MLLT3: variants seen among roughly 807,000 people sequenced by gnomAD.
The protein encoded by MLLT3 is protein AF-9.
MLLT3 carries 4 observed loss-of-function variants against 53.2 expected under a neutral mutation model. That is an observed-to-expected ratio of 0.08 (90% CI 0.04 to 0.17). MLLT3 has a LOEUF of 0.17. MLLT3 is among the 10% of genes least tolerant of loss of function. The pLI is 1.00. For synonymous variants in MLLT3, 283 were observed against 230.6 expected, an observed-to-expected ratio of 1.23 and a Z score of -2.06; for missense variants, 569 against 684.0, an observed-to-expected ratio of 0.83 and a Z score of 1.87.
At chr9:20,433,552 T>C (rs1436473571) in intron 4 of MLLT3, among the ~76,000 whole-genome samples, 2 of 152,160 alleles carry the variant, frequency 1.3e-5, no homozygotes, top group East Asian at 3.9e-4. Flanking sequence ...ACATCAACAG[T>C]AATGTCTCAG....
intron 2 of MLLT3, among the ~76,000 whole-genome samples, chr9:20,473,544 T>C (rs1465046999): frequency 6.6e-6 from 1 of 152,024 alleles, no homozygotes; most frequent in Non-Finnish European, 1.5e-5. Context: ...ATAGACACAG[T>C]CAGGGAAGGA....
At chr9:20,608,447 G>T (rs760205453) in intron 2 of MLLT3, among the ~76,000 whole-genome samples, 1 of 151,832 alleles carries the variant, frequency 6.6e-6, no homozygotes, top group Non-Finnish European at 1.5e-5. Flanking sequence ...TTACACATGG[G>T]TATCTTTCTG....
intron 2 of MLLT3, among the ~76,000 whole-genome samples, chr9:20,469,270 T>C (rs1824311365): frequency 6.6e-6 from 1 of 152,112 alleles, no homozygotes; most frequent in African/African-American, 2.4e-5. Context: ...AGAACATACC[T>C]GGCAGCATTT....
At chr9:20,407,751 T>G (rs1334980372) in intron 5 of MLLT3, among the ~76,000 whole-genome samples, 1 of 152,106 alleles carries the variant, frequency 6.6e-6, no homozygotes, top group Non-Finnish European at 1.5e-5. Flanking sequence ...AGCTTTTTCA[T>G]CCATAAAATG....
At chr9:20,565,988 T>TTA (rs1295720165) in intron 2 of MLLT3, among the ~76,000 whole-genome samples, 1 of 69,442 alleles carries the variant, frequency 1.4e-5, no homozygotes, top group African/African-American at 5.3e-5. Flanking sequence ...ATATATTTAT[T>TTA]TATATATTTA....
chr9:20,476,934 T>C (rs893284279), intron 2 of MLLT3, among the ~76,000 whole-genome samples: 1 of 152,176 alleles, frequency 6.6e-6, no homozygotes, highest in Non-Finnish European at 1.5e-5. Flanking sequence ...GTCTTTTCCA[T>C]CTGTGAATAA....
At chr9:20,600,115 C>T (rs1332194092) in intron 2 of MLLT3, among the ~76,000 whole-genome samples, 3 of 126,238 alleles carry the variant, frequency 2.4e-5, no homozygotes, top group Non-Finnish European at 3.2e-5. Flanking sequence ...ATTTCACTTG[C>T]AATGTTGTCC....
In MLLT3 at chr9:20,414,168, G is replaced by T. The variant is rs747041190; in HGVS notation, c.678C>A (p.Asn226Lys). ...SAFKEPSRDH[N>K]KSSKESSKKP... ...TCTTAGAGGATTCTTTGGAAGATTT[G>T]TTGTGATCCCTGGAAGGTTCTTTGA... Residue 226 changes from asparagine to lysine, a missense_variant, in exon 5 of 11, where the codon AAC becomes AAA. By Grantham distance (94) the Asn-to-Lys change is moderately conservative (BLOSUM62 0). This residue lies in a region of MLLT3 where 437 missense variants were observed against 376.5 expected (regional missense o/e 1.16). Coordinates refer to ENST00000380338, the MANE Select transcript of MLLT3 (RefSeq NM_004529.4). 12 of 1,614,176 alleles carry T rather than the reference G, an allele frequency of 7.4e-6. No individual in the cohort carries two copies. The South Asian group carries it at 1.3e-4, about 18-fold the overall frequency.
intron 2 of MLLT3, among the ~76,000 whole-genome samples, chr9:20,605,251 A>G (rs184881522): frequency 6.6e-6 from 1 of 152,226 alleles, no homozygotes; most frequent in Admixed American, 6.5e-5. Flanking sequence ...AAATAAACCA[A>G]AAATAGCTCT....
chr9:20,391,012 G>C (rs1412776784), intron 5 of MLLT3, among the ~76,000 whole-genome samples: 1 of 152,190 alleles, frequency 6.6e-6, no homozygotes, highest in African/African-American at 2.4e-5. Context: ...GTAGTAAAAT[G>C]CACAATCTAG....
At chr9:20,395,793 T>C (rs569572664) in intron 5 of MLLT3, among the ~76,000 whole-genome samples, 118 of 152,314 alleles carry the variant, frequency 7.7e-4, no homozygotes, top group Admixed American at 2.2e-3. Context: ...GTACATTACA[T>C]GCCCTCCGAT....
At chr9:20,602,562 T>C (rs4977434) in intron 2 of MLLT3, among the ~76,000 whole-genome samples, 46,336 of 151,848 alleles carry the variant, frequency 0.31, 7,460 homozygotes, top group South Asian at 0.41. Flanking sequence ...ACCCATATAG[T>C]ACACGCATGT....
intron 2 of MLLT3, among the ~76,000 whole-genome samples, chr9:20,569,899 G>A (rs1255596855): frequency 6.6e-6 from 1 of 152,132 alleles, no homozygotes; most frequent in East Asian, 1.9e-4. Flanking sequence ...GTCTGTACCT[G>A]CAAACATCCT....
At chr9:20,349,514 CAGAA>C (rs1208580515) in intron 10 of MLLT3, among the ~76,000 whole-genome samples, 2 of 150,620 alleles carry the variant, frequency 1.3e-5, no homozygotes, top group African/African-American at 2.5e-5. Flanking sequence ...AACTAAAACT[CAGAA>C]AGGCCGGCTT....
intron 5 of MLLT3, among the ~76,000 whole-genome samples, chr9:20,384,604 A>T (rs573612478): frequency 2.0e-5 from 3 of 152,084 alleles, no homozygotes; most frequent in Non-Finnish European, 2.9e-5. Flanking sequence ...ATTATCATCA[A>T]TGGGATGCAG....
At chr9:20,553,439 G>A (rs1818977109) in intron 2 of MLLT3, among the ~76,000 whole-genome samples, 1 of 151,854 alleles carries the variant, frequency 6.6e-6, no homozygotes, top group African/African-American at 2.4e-5. Context: ...GGACATGAGA[G>A]AAAAAAAATC....
chr9:20,355,797 G>A (rs1011466140), intron 8 of MLLT3, among the ~76,000 whole-genome samples: 1 of 152,164 alleles, frequency 6.6e-6, no homozygotes, highest in Admixed American at 6.5e-5. Flanking sequence ...ATTAAAGGAG[G>A]AAAATGCCAA....
intron 4 of MLLT3, among the ~76,000 whole-genome samples, chr9:20,429,145 C>G (rs756845224): frequency 3.0e-4 from 46 of 152,092 alleles, no homozygotes; most frequent in Non-Finnish European, 6.2e-4. Flanking sequence ...GGGAAGAGTG[C>G]TCTCTTGAGG....
chr9:20,458,299 G>C (rs1445376679), intron 2 of MLLT3, among the ~76,000 whole-genome samples: 1 of 152,122 alleles, frequency 6.6e-6, no homozygotes, highest in Admixed American at 6.5e-5. Context: ...CTCAAGGACA[G>C]GAAGCACATT....
Sources: gnomAD v4.1 joint callset for allele counts (sites outside exome capture counted in the v4.1 genomes callset) on GRCh38, gnomAD v4.1.1 for gene constraint, gnomAD v4.1.1 regional missense constraint, MANE v1.5 for transcripts, NCBI Gene and HGNC (gene_info 2026-07-23, HGNC 2026-07-21) for gene names.